The following ATP8A2 variants were observed in gnomAD, a reference collection of about 807,000 sequenced individuals.
The protein encoded by ATP8A2 is phospholipid-transporting ATPase IB.
ATP8A2 carries 100 observed loss-of-function variants against 165.6 expected under a neutral mutation model. The ratio of observed to expected loss-of-function variants is 0.60; its 90% CI spans 0.51 to 0.71. ATP8A2 has a LOEUF of 0.71. Among genes scored for constraint, ATP8A2 ranks in the 30% least tolerant of loss-of-function variants. ATP8A2 has a pLI of 0.00. For synonymous variants in ATP8A2, 543 were observed against 548.8 expected, an observed-to-expected ratio of 0.99 and a Z score of 0.15; for missense variants, 1,227 against 1,479.5, an observed-to-expected ratio of 0.83 and a Z score of 2.80.
chr13:25,623,244 A>G (rs1007008024), intron 24 of ATP8A2, among the ~76,000 whole-genome samples: 1 of 152,126 alleles, frequency 6.6e-6, no homozygotes, highest in Non-Finnish European at 1.5e-5. Flanking sequence ...AAATTTTAAA[A>G]AACTAGCTGG....
At chr13:26,004,389 A>T (rs1593701901) in intron 35 of ATP8A2, among the ~76,000 whole-genome samples, 1 of 152,064 alleles carries the variant, frequency 6.6e-6, no homozygotes, top group East Asian at 1.9e-4. Flanking sequence ...TAAATTTACT[A>T]GTTCTAAACA....
At chr13:25,521,940 G>T (rs1220686656) in intron 2 of ATP8A2, among the ~76,000 whole-genome samples, 2 of 152,142 alleles carry the variant, frequency 1.3e-5, no homozygotes, top group East Asian at 1.9e-4. Context: ...GCTCTGGATT[G>T]CTTTGGCTAT....
chr13:25,423,920 G>A (rs561648043), intron 1 of ATP8A2, among the ~76,000 whole-genome samples: 30 of 152,282 alleles, frequency 2.0e-4, no homozygotes, highest in African/African-American at 6.7e-4. Flanking sequence ...TGTGAGTTGT[G>A]TCCACTGACA....
At chr13:25,631,577 G>A (rs2041241251) in intron 24 of ATP8A2, among the ~76,000 whole-genome samples, 2 of 152,150 alleles carry the variant, frequency 1.3e-5, no homozygotes, top group South Asian at 4.1e-4. Flanking sequence ...GCTTATGTGT[G>A]AAGAGAGTAA....
chr13:25,406,870 T>G (rs2033817578), intron 1 of ATP8A2, among the ~76,000 whole-genome samples: 1 of 152,370 alleles, frequency 6.6e-6, no homozygotes, highest in African/African-American at 2.4e-5. Flanking sequence ...GTGGCTTTCA[T>G]GTGGGCCACT....
intron 24 of ATP8A2, among the ~76,000 whole-genome samples, chr13:25,602,099 G>T (rs78959538): frequency 0.033 from 4,995 of 151,996 alleles, 127 homozygotes; most frequent in African/African-American, 0.064. Flanking sequence ...AACATTTTTT[G>T]TGTGTGTGAA....
rs368675559 is a variant in ATP8A2, at chr13:25,469,145, G to A, written c.221+24G>A. 7.4e-6 allele frequency: 12 copies of A among 1,611,386 alleles called. No homozygotes were observed. The African/African-American group carries it at 1.6e-4, about 22-fold the overall frequency. On this transcript the variant is annotated intron_variant, in intron 2 of 36. Coordinates refer to ENST00000381655, the MANE Select transcript of ATP8A2 (RefSeq NM_016529.6). ...AGGTAGGAGAAGGCGGCCGGCTCGC[G>A]CGGAAGGCGGTGGAGTCACAGCTGG... is the stretch of plus-strand genomic sequence containing the variant.
intron 24 of ATP8A2, among the ~76,000 whole-genome samples, chr13:25,683,401 T>A (rs866607185): frequency 3.3e-5 from 5 of 152,232 alleles, no homozygotes; most frequent in African/African-American, 1.2e-4. Flanking sequence ...AGTAGAGTCT[T>A]ATAATTCTAC....
At position 25,553,895 on chromosome 13, in the gene ATP8A2, A is replaced by G. The variant is rs1218163076; in HGVS notation, c.1160A>G (p.Tyr387Cys). 1 of 1,613,928 alleles carries G rather than the reference A, an allele frequency of 6.2e-7. No homozygotes were observed. The highest frequency in any genetic ancestry group is 1.3e-5 in the African/African-American group (1 of 75,058). ...TTGGTGACTCTTGAGGTTGTGAAGTATACTCAAGCCCTTTTCATAAACTGG... is the reference window on the plus strand; with the variant it reads ...TTGGTGACTCTTGAGGTTGTGAAGTGTACTCAAGCCCTTTTCATAAACTGG... ...SLLVTLEVVKYTQALFINWDT... is the reference protein window; with the variant it reads ...SLLVTLEVVKCTQALFINWDT... The change falls in exon 12 of 37, where the codon TAT (tyrosine) becomes TGT (cysteine). Residue 387 changes from tyrosine (Y) to cysteine (C), a missense_variant. Tyr to Cys is a radical substitution (Grantham distance 194). Around this residue, in one of 5 missense-constraint regions of ATP8A2, gnomAD observed 592 missense variants for 785.6 expected, o/e 0.75. Transcript: ENST00000381655.
intron 24 of ATP8A2, among the ~76,000 whole-genome samples, chr13:25,644,517 A>T (rs78875426): frequency 6.8e-6 from 1 of 147,710 alleles, no homozygotes; most frequent in Non-Finnish European, 1.5e-5. Flanking sequence ...GGCTTGCAGT[A>T]TTTTTTTTTT....
intron 30 of ATP8A2, among the ~76,000 whole-genome samples, chr13:25,859,030 CT>C (rs1952256294): frequency 6.6e-6 from 1 of 151,994 alleles, no homozygotes; most frequent in Non-Finnish European, 1.5e-5. Context: ...TGGTAAAACC[CT>C]GTCTCTACTA....
At chr13:25,620,153 A>G (rs865870690) in intron 24 of ATP8A2, among the ~76,000 whole-genome samples, 65 of 152,330 alleles carry the variant, frequency 4.3e-4, no homozygotes, top group African/African-American at 1.4e-3. Context: ...AGTCCTAACA[A>G]GGATCAGTAA....
At chr13:25,674,437 A>T (rs2042331887) in intron 24 of ATP8A2, among the ~76,000 whole-genome samples, 1 of 152,188 alleles carries the variant, frequency 6.6e-6, no homozygotes, top group South Asian at 2.1e-4. Context: ...AAACCAGATC[A>T]TTAGGTCTCT....
chr13:25,845,788 C>T (rs998453119), intron 30 of ATP8A2, among the ~76,000 whole-genome samples: 17 of 152,170 alleles, frequency 1.1e-4, no homozygotes, highest in Admixed American at 8.5e-4. Context: ...CTGAGACTTG[C>T]GTTGTTTCAC....
intron 23 of ATP8A2, among the ~76,000 whole-genome samples, chr13:25,584,190 T>G (rs1486745776): frequency 6.6e-6 from 1 of 152,194 alleles, no homozygotes; most frequent in South Asian, 2.1e-4. Flanking sequence ...TCTTGTGATT[T>G]AAAGTATCTG....
At chr13:25,455,806 A>T (rs1471936489) in intron 1 of ATP8A2, among the ~76,000 whole-genome samples, 1 of 152,062 alleles carries the variant, frequency 6.6e-6, no homozygotes, top group Non-Finnish European at 1.5e-5. Flanking sequence ...ACCTTACCTG[A>T]TTTGTATCTG....
chr13:25,876,198 C>A (rs1028166655), intron 33 of ATP8A2, among the ~76,000 whole-genome samples: 2 of 152,148 alleles, frequency 1.3e-5, no homozygotes, highest in Non-Finnish European at 2.9e-5. Flanking sequence ...TGCTCCAAGG[C>A]CCGCTGCCTT....
rs759217544 is a variant in ATP8A2 at position 25,849,921 on chromosome 13, G to A, written c.2957-10274G>A. The stretch of plus-strand genomic sequence containing the variant: ...TAAGCATCATCATTATATTAGGTTT[G>A]TATCACATGCAATCACAGATCATTC... On this transcript the variant is annotated intron_variant, in intron 30 of 36. Transcript: ENST00000381655. Among the ~76,000 whole-genome samples the A allele has an allele frequency of 4.3e-4, 66 of 152,160 alleles. 1 individual carries two copies. The highest frequency in any genetic ancestry group is 8.8e-5 in the Non-Finnish European group (6 of 68,030).
chr13:25,677,281 T>C (rs2042392119), intron 24 of ATP8A2, among the ~76,000 whole-genome samples: 1 of 152,216 alleles, frequency 6.6e-6, no homozygotes, highest in Non-Finnish European at 1.5e-5. Context: ...TAGGCACCTG[T>C]GGACAGTCCA....
Sources: allele counts gnomAD v4.1 joint callset (sites outside exome capture counted in the v4.1 genomes callset), GRCh38; gene constraint gnomAD v4.1.1; regional missense constraint gnomAD v4.1.1; transcripts MANE v1.5; gene names NCBI Gene and HGNC (gene_info 2026-07-23, HGNC 2026-07-21).